Variants in PDZD2 observed in about 807,000 individuals in gnomAD.
PDZD2 encodes PDZ domain containing 2, also known as PDZ domain-containing protein 2.
PDZD2 carries 90 observed loss-of-function variants against 220.7 expected under a neutral mutation model. That is an observed-to-expected ratio of 0.41 (90% CI 0.34 to 0.49). PDZD2 has a LOEUF of 0.49. PDZD2 is among the 20% of genes least tolerant of loss of function. The probability of loss-of-function intolerance (pLI) is 0.28; values close to 1 mark genes in which losing one functional copy is unlikely to be tolerated. For synonymous variants in PDZD2, 1,375 were observed against 1,450.5 expected, an observed-to-expected ratio of 0.95 and a Z score of 1.18; for missense variants, 3,174 against 3,608.5, an observed-to-expected ratio of 0.88 and a Z score of 3.08.
Position 31,856,211 on chromosome 5 carries a change from C to T in PDZD2, c.476+56487C>T, listed in dbSNP as rs555889466. ...CAGCTGCTAATCTGGCCATTGAATG[C>T]TAACCTGTAGGCCTCCGTGGCTCCT... On this transcript the variant is annotated intron_variant, in intron 2 of 24. Coordinates refer to ENST00000438447, the MANE Select transcript of PDZD2 (RefSeq NM_178140.4). Among the ~76,000 whole-genome samples the T allele has an allele frequency of 1.1e-4, 16 of 152,294 alleles. No homozygotes were observed. In the South Asian group the frequency reaches 3.3e-3, roughly 32 times the overall value.
intron 2 of PDZD2, among the ~76,000 whole-genome samples, chr5:31,898,318 C>T (rs562016132): frequency 1.3e-5 from 2 of 152,300 alleles, no homozygotes; most frequent in South Asian, 2.1e-4. Context: ...AGCTAGGCTT[C>T]AGGACATTAG....
chr5:31,761,397 T>C (rs574478830), intron 1 of PDZD2, among the ~76,000 whole-genome samples: 60 of 149,786 alleles, frequency 4.0e-4, no homozygotes, highest in Middle Eastern at 3.5e-3. Context: ...AGCAAAGACA[T>C]AGGGCTTGGG....
chr5:31,871,236 C>A (rs907469578), intron 2 of PDZD2, among the ~76,000 whole-genome samples: 2 of 152,084 alleles, frequency 1.3e-5, no homozygotes, highest in Admixed American at 6.6e-5. Flanking sequence ...TAGATTCTTT[C>A]ATTCACATTT....
intron 2 of PDZD2, chr5:31,840,446 A>ATATTTATTTATT (rs1554081848): frequency 7.2e-5 from 5 of 69,124 alleles, no homozygotes; most frequent in Middle Eastern, 7.5e-3. Context: ...ATATATATAT[A>ATATTTATTTATT]TATTTGTTTA....
chr5:31,875,811 G>A (rs978497830), intron 2 of PDZD2, among the ~76,000 whole-genome samples: 2 of 151,336 alleles, frequency 1.3e-5, no homozygotes, highest in Non-Finnish European at 1.5e-5. Flanking sequence ...TCAGTGTTAC[G>A]GTTCTTTATT....
chr5:31,694,793 A>ATTTTATTTTAT (rs201947093), intron 1 of PDZD2, among the ~76,000 whole-genome samples: 17,374 of 114,568 alleles, frequency 0.15, 1,249 homozygotes, highest in East Asian at 0.26. Flanking sequence ...TATTTTATTT[A>ATTTTATTTTAT]TTTATTTTTT....
At chr5:31,903,644 CAAAA>C (rs59822169) in intron 2 of PDZD2, among the ~76,000 whole-genome samples, 3,753 of 99,726 alleles carry the variant, frequency 0.038, 55 homozygotes, top group Non-Finnish European at 0.055. Flanking sequence ...GACCCTGTCT[CAAAA>C]AAAAAAAAAA....
intron 1 of PDZD2, among the ~76,000 whole-genome samples, chr5:31,717,536 C>T (rs1748526133): frequency 6.6e-6 from 1 of 151,810 alleles, no homozygotes; most frequent in African/African-American, 2.4e-5. Context: ...TCGCTTGTCC[C>T]TGCCTCCCTC....
intron 2 of PDZD2, among the ~76,000 whole-genome samples, chr5:31,942,077 T>C (rs958436116): frequency 5.3e-5 from 8 of 152,364 alleles, no homozygotes; most frequent in South Asian, 2.1e-4. Context: ...TCACAGTGAA[T>C]GATATAGCAC....
rs536143080 is a variant in PDZD2, at chr5:31,738,886, A to G, written c.-360-60003A>G. Among the ~76,000 whole-genome samples, 10 of 141,468 alleles carry G rather than the reference A, an allele frequency of 7.1e-5. No individual in the cohort carries two copies. The South Asian group carries it at 2.2e-3, about 31-fold the overall frequency. 92.8% of individuals were successfully genotyped at this position (141,468 alleles called of 152,430 possible). A position where few individuals can be genotyped will look rare whatever the true frequency, so the allele number is the denominator to read the frequency against. ...GCAAATACAGGATTTTTAAATATAT[A>G]TAGATTTTTTTTTTTTTCAGACACA... On this transcript the variant is annotated intron_variant, in intron 1 of 24. Transcript: ENST00000438447.
At chr5:31,774,496 G>A (rs58672503) in intron 1 of PDZD2, among the ~76,000 whole-genome samples, 3,981 of 152,012 alleles carry the variant, frequency 0.026, 159 homozygotes, top group African/African-American at 0.09. Flanking sequence ...GGCAGATCAC[G>A]TGAGGTCAGG....
At chr5:31,902,283 G>A (rs544752240) in intron 2 of PDZD2, among the ~76,000 whole-genome samples, 1 of 152,180 alleles carries the variant, frequency 6.6e-6, no homozygotes, top group South Asian at 2.1e-4. Flanking sequence ...AGCCAATCTA[G>A]TGTGTATAAA....
intron 1 of PDZD2, chr5:31,741,896 C>T (rs1328559480): frequency 6.6e-6 from 1 of 152,184 alleles, no homozygotes. Context: ...TAACCCAGGA[C>T]CCTGCCTAGA....
Position 32,109,255 on chromosome 5 carries a change from G to C in PDZD2, c.*1120G>C, listed in dbSNP as rs1305222346. On this transcript the variant is annotated 3_prime_UTR_variant, in exon 25 of 25. Coordinates refer to ENST00000438447, the MANE Select transcript of PDZD2 (RefSeq NM_178140.4). Reference sequence around the variant, plus strand: ...ATGTTTAAGAAATGTAACATTCTAAGTATTGGATCTCTTTTCTTGACCTAG... The same window carrying C: ...ATGTTTAAGAAATGTAACATTCTAACTATTGGATCTCTTTTCTTGACCTAG... The C allele has an allele frequency of 6.6e-6, 1 of 152,184 alleles. No individual in the cohort carries two copies. Among genetic ancestry groups the C allele is most frequent in the Non-Finnish European group, 1.5e-5 (1 of 68,030 alleles). 9.4% of individuals were successfully genotyped at this position (152,184 alleles called of 1,614,324 possible). A position where few individuals can be genotyped will look rare whatever the true frequency, so the allele number is the denominator to read the frequency against.
In PDZD2 at chr5:32,087,304, C is replaced by A. The variant is rs140809656; in HGVS notation, c.3856C>A (p.His1286Asn). 1.2e-3 allele frequency: 2,015 copies of A among 1,614,078 alleles called. 20 individuals carry two copies. In the African/African-American group the frequency reaches 0.022, roughly 17 times the overall value. The change falls in exon 20 of 25, where the codon CAT becomes AAT. Residue 1286 changes from histidine to asparagine, a missense_variant. Coordinates refer to ENST00000438447, the MANE Select transcript of PDZD2 (RefSeq NM_178140.4). This position sits in a 1 kb window ranked among gnomAD's most constrained non-coding sequence, Gnocchi z 4.0. ...GGCCAGGTCTCCAGTCAGGCTCCCC[C>A]ATGAGGGCAGCCCCTCCCCGGGGGA... ...CKARSPVRLP[H>N]EGSPSPGEKA...
chr5:31,852,409 T>C (rs1320822310), intron 2 of PDZD2, among the ~76,000 whole-genome samples: 2 of 151,612 alleles, frequency 1.3e-5, no homozygotes, highest in Non-Finnish European at 2.9e-5. Context: ...GCCTCCCAAG[T>C]AGAGTAGCTG....
chr5:32,097,336 T>A lies in PDZD2; in HGVS notation c.7903T>A (p.Phe2635Ile). 6.2e-7 allele frequency: 1 copy of A among 1,613,454 alleles called. No homozygotes were observed. The highest frequency in any genetic ancestry group is 8.5e-7 in the Non-Finnish European group (1 of 1,179,330). Residue 2635 changes from phenylalanine to isoleucine, a missense_variant, in exon 22 of 25, where the codon TTC becomes ATC. Physicochemically the swap from Phe to Ile is conservative, Grantham distance 21 (BLOSUM62 0). Transcript: ENST00000438447. ...TAGAAAAGAAGGCTCAGGTCTGGGA[T>A]TCAGTGTGGCAGGAGGGACAGATGT... ...LNRKEGSGLG[F>I]SVAGGTDVEP... is the part of the protein sequence containing the mutation.
At chr5:31,657,781 G>A (rs1745605249) in intron 1 of PDZD2, among the ~76,000 whole-genome samples, 1 of 152,204 alleles carries the variant, frequency 6.6e-6, no homozygotes, top group Admixed American at 6.5e-5. Context: ...CAGGGACAGA[G>A]TGTTGACCTC....
chr5:31,975,820 T>TTTTTTTTTTG (rs1561238424), intron 2 of PDZD2, among the ~76,000 whole-genome samples: 1 of 134,730 alleles, frequency 7.4e-6, no homozygotes, highest in African/African-American at 2.8e-5. Context: ...TTTTTTTTTT[T>TTTTTTTTTTG]TGAGACAAGG....
Sources: allele counts gnomAD v4.1 joint callset (sites outside exome capture counted in the v4.1 genomes callset), GRCh38; gene constraint gnomAD v4.1.1; non-coding constraint Gnocchi (gnomAD v3.1); transcripts MANE v1.5; gene names NCBI Gene and HGNC (gene_info 2026-07-23, HGNC 2026-07-21).